SNX25: variants seen among roughly 807,000 people sequenced by gnomAD.
The protein encoded by SNX25 is sorting nexin-25.
In SNX25, 62 loss-of-function variants were observed where a neutral mutation model predicts 113.7. The observed-to-expected ratio is 0.55, with a 90% CI of 0.44 to 0.67. SNX25 has a LOEUF of 0.67. Ranked by LOEUF, SNX25 falls within the 30% of genes least tolerant of loss-of-function variation. SNX25 has a pLI of 0.00. For missense variants in SNX25, 1,014 were observed against 1,161.0 expected (o/e 0.87, Z 1.84); for synonymous variants, 421 against 436.2 (o/e 0.97, Z 0.43).
chr4:185,223,215 A>G (rs1013561173), intron 1 of SNX25, among the ~76,000 whole-genome samples: 1 of 152,150 alleles, frequency 6.6e-6, no homozygotes, highest in Non-Finnish European at 1.5e-5. Context: ...GCATGTCATT[A>G]TAGTTTTATC....
downstream of SNX25, chr4:185,374,371 T>G (rs2095426094): frequency 6.2e-6 from 10 of 1,614,202 alleles, no homozygotes; most frequent in Non-Finnish European, 7.6e-6. Context: ...TAATAAGCTC[T>G]TCCGAGGTTG....
chr4:185,370,321 A>G (rs1003485825), downstream of SNX25: 8 of 264,600 alleles, frequency 3.0e-5, no homozygotes, highest in Admixed American at 1.4e-4. Context: ...GAACGTATAC[A>G]TTCACACTTG....
intron 10 of SNX25, among the ~76,000 whole-genome samples, chr4:185,336,550 T>C (rs1179389040): frequency 6.6e-6 from 1 of 152,246 alleles, no homozygotes; most frequent in Non-Finnish European, 1.5e-5. Flanking sequence ...CAGACTACAT[T>C]TTCCACTTGT....
intron 1 of SNX25, among the ~76,000 whole-genome samples, chr4:185,233,920 C>T (rs1337998543): frequency 1.3e-5 from 2 of 152,018 alleles, no homozygotes; most frequent in Non-Finnish European, 2.9e-5. Context: ...TGCAGTGGCG[C>T]GATCTTGGCT....
Position 185,210,422 on chromosome 4 carries a change from G to A in SNX25, c.429+167G>A, listed in dbSNP as rs1264162692. Among the ~76,000 whole-genome samples, 2 of 137,488 alleles carry A rather than the reference G, an allele frequency of 1.5e-5. No individual in the cohort carries two copies. Among genetic ancestry groups the A allele is most frequent in the Non-Finnish European group, 3.4e-5 (2 of 58,608 alleles). 90.2% of individuals were successfully genotyped at this position (137,488 alleles called of 152,430 possible). On this transcript the variant is annotated intron_variant, in intron 1 of 18. Transcript: ENST00000652585. The surrounding 1 kb of genome is among the most constrained non-coding windows in gnomAD (Gnocchi z 4.4). ...CGGCCGTGGACGCGAGCGTTCCCCG[G>A]CGCCCGCGCGCGGCGGGCTCCGGGC...
rs1560901083 is a variant in SNX25 at position 185,222,027 on chromosome 4, GTTCACT to G, written c.429+11773_429+11778del. Among the ~76,000 whole-genome samples, 134 of 21,806 alleles carry G rather than the reference GTTCACT, an allele frequency of 6.1e-3. 2 individuals carry two copies. Among genetic ancestry groups the G allele is most frequent in the African/African-American group, 0.017 (127 of 7,544 alleles). 14.3% of individuals were successfully genotyped at this position (21,806 alleles called of 152,430 possible). A position where few individuals can be genotyped will look rare whatever the true frequency, so the allele number is the denominator to read the frequency against. ...AGATATATAGCACCATATATCCCTC[GTTCACT>G]GTAGGTATACAGCACCATATACCCC... On this transcript the variant is annotated intron_variant, in intron 1 of 18. Transcript: ENST00000652585.
At chr4:185,347,888 C>T (rs760435709) in intron 13 of SNX25, among the ~76,000 whole-genome samples, 34 of 152,258 alleles carry the variant, frequency 2.2e-4, no homozygotes, top group Non-Finnish European at 4.9e-4. Context: ...CAAATATTGT[C>T]CCCCTTTCTA....
intron 1 of SNX25, among the ~76,000 whole-genome samples, chr4:185,238,074 A>C (rs1742941313): frequency 6.6e-6 from 1 of 151,506 alleles, no homozygotes; most frequent in South Asian, 2.1e-4. Flanking sequence ...AAAAAAAAAA[A>C]AAAAAAAAAA....
At chr4:185,257,061 C>T (rs545572741) in intron 2 of SNX25, among the ~76,000 whole-genome samples, 2 of 151,296 alleles carry the variant, frequency 1.3e-5, no homozygotes, top group Admixed American at 6.6e-5. Context: ...ATCTGGTTCA[C>T]GTAGGATTCC....
chr4:185,240,898 G>T (rs1743820295), intron 1 of SNX25, among the ~76,000 whole-genome samples: 1 of 150,540 alleles, frequency 6.6e-6, no homozygotes, highest in Non-Finnish European at 1.5e-5. Flanking sequence ...GGGCAGAGGC[G>T]CTCCCCACAT....
At position 185,287,478 on chromosome 4, in the gene SNX25, C is replaced by T. The variant is rs530830062; in HGVS notation, c.1092-534C>T. Among the ~76,000 whole-genome samples, 25 of 152,298 alleles carry T rather than the reference C, an allele frequency of 1.6e-4. No individual in the cohort carries two copies. In the South Asian group the frequency reaches 3.1e-3, roughly 19 times the overall value. On this transcript the variant is annotated intron_variant, in intron 5 of 18. Transcript: ENST00000652585. ...GGGCAGTTCTGAGAACTATTTAAGA[C>T]GGCACCATCCAGTAGAACTTTCTAC...
downstream of SNX25, chr4:185,367,171 C>G: frequency 1.2e-6 from 2 of 1,608,826 alleles, no homozygotes; most frequent in Non-Finnish European, 1.7e-6. Flanking sequence ...TGTTGAAATA[C>G]ATTGTGGTCT....
chr4:185,323,145 A>T (rs963910990), intron 8 of SNX25, among the ~76,000 whole-genome samples: 2 of 152,160 alleles, frequency 1.3e-5, no homozygotes, highest in African/African-American at 4.8e-5. Context: ...TCTTTCTGGG[A>T]TGAGAAATGG....
chr4:185,374,374 C>G, downstream of SNX25: 1 of 1,614,082 alleles, frequency 6.2e-7, no homozygotes, highest in Non-Finnish European at 8.5e-7. Context: ...TAAGCTCTTC[C>G]GAGGTTGTAA....
At chr4:185,353,643 A>C in intron 15 of SNX25, 41 bp downstream of exon 15, 1 of 1,438,886 alleles carries the variant, frequency 6.9e-7, no homozygotes, top group Non-Finnish European at 9.8e-7. Context: ...TTGCTAGTTA[A>C]GTGGTATATA....
chr4:185,207,279 C>T (rs532356203), upstream of SNX25, among the ~76,000 whole-genome samples: 2 of 126,320 alleles, frequency 1.6e-5, no homozygotes, highest in South Asian at 2.5e-4. Context: ...TGCAGTGGTG[C>T]GATCTCGGCT....
At chr4:185,374,891 C>T (rs1225209786), downstream of SNX25, among the ~76,000 whole-genome samples, 3 of 152,046 alleles carry the variant, frequency 2.0e-5, no homozygotes, top group African/African-American at 2.4e-5. Context: ...TAACAAACAC[C>T]GTCTTCCATT....
intron 7 of SNX25, among the ~76,000 whole-genome samples, chr4:185,318,527 G>A (rs1462602938): frequency 6.6e-6 from 1 of 152,138 alleles, no homozygotes; most frequent in Non-Finnish European, 1.5e-5. Context: ...TTAAAAGGAT[G>A]CTTACAGGAG....
chr4:185,318,073 C>T (rs1221516081), intron 7 of SNX25, among the ~76,000 whole-genome samples: 1 of 152,222 alleles, frequency 6.6e-6, no homozygotes, highest in East Asian at 1.9e-4. Context: ...CTGCCCCCTT[C>T]TGCCCACAAA....
Sources: allele counts gnomAD v4.1 joint callset (sites outside exome capture counted in the v4.1 genomes callset), GRCh38; gene constraint gnomAD v4.1.1; non-coding constraint Gnocchi (gnomAD v3.1); transcripts MANE v1.5; gene names NCBI Gene and HGNC (gene_info 2026-07-23, HGNC 2026-07-21).